SMARCD1: variants seen among roughly 807,000 people sequenced by gnomAD.
SMARCD1 encodes SWI/SNF-related matrix-associated actin-dependent regulator of chromatin subfamily D member 1.
SMARCD1 carries 16 observed loss-of-function variants against 70.8 expected under a neutral mutation model. That is an observed-to-expected ratio of 0.23 (90% CI 0.15 to 0.34). The LOEUF (loss-of-function observed/expected upper bound fraction) is 0.34, where lower values mean the gene tolerates loss of function less well. Ranked by LOEUF, SMARCD1 falls within the 10% of genes least tolerant of loss-of-function variation. The pLI is 1.00. For missense variants in SMARCD1, 409 were observed against 655.5 expected (o/e 0.62, Z 4.11); for synonymous variants, 249 against 246.0 (o/e 1.01, Z -0.11).
chr12:50,093,730 C>G (rs1403491853), intron 9 of SMARCD1, among the ~76,000 whole-genome samples: 1 of 151,682 alleles, frequency 6.6e-6, no homozygotes, highest in African/African-American at 2.4e-5. Flanking sequence ...AGTCCTCTTA[C>G]CTGAGCCTCC....
chr12:50,095,827 G>A (rs1347392380), intron 10 of SMARCD1, among the ~76,000 whole-genome samples: 1 of 152,198 alleles, frequency 6.6e-6, no homozygotes, highest in East Asian at 1.9e-4. Flanking sequence ...CCGAGGACGG[G>A]ATGTTTTGGG....
intron 6 of SMARCD1, chr12:50,089,532 T>G (rs1950822283): frequency 1.0e-5 from 2 of 195,074 alleles, no homozygotes; most frequent in South Asian, 2.4e-4. Context: ...GTATAGATGT[T>G]CGGGAAGTGA....
In SMARCD1 at chr12:50,098,775, C is replaced by T. The variant is rs1950914286; in HGVS notation, c.1454C>T (p.Pro485Leu). The change falls in exon 12 of 13, where the codon CCC (proline) becomes CTC (leucine). Residue 485 changes from proline (P) to leucine (L), a missense_variant. Coordinates refer to ENST00000394963, the MANE Select transcript of SMARCD1 (RefSeq NM_003076.5). Reference protein sequence around the residue: ...EERRAEFYFQPWAQEAVCRYF... With the variant: ...EERRAEFYFQLWAQEAVCRYF... ...CGCCGAGCTGAGTTCTACTTCCAGCCCTGGGCTCAGGAGGCTGTGTGCCGA... is the reference window on the plus strand; with the variant it reads ...CGCCGAGCTGAGTTCTACTTCCAGCTCTGGGCTCAGGAGGCTGTGTGCCGA... 1 of 1,614,090 alleles carries T rather than the reference C, an allele frequency of 6.2e-7. No homozygotes were observed.
At chr12:50,092,764 C>T (rs543496862) in intron 9 of SMARCD1, among the ~76,000 whole-genome samples, 4 of 152,156 alleles carry the variant, frequency 2.6e-5, no homozygotes, top group South Asian at 2.1e-4. Context: ...AAGCCAGGCA[C>T]GGTGGCACAT....
chr12:50,096,652 A>C (rs1322004614), intron 10 of SMARCD1, 198 bp from the exon 11 acceptor site: 3 of 549,584 alleles, frequency 5.5e-6, no homozygotes, highest in Non-Finnish European at 6.5e-6. Flanking sequence ...GGGTATACAG[A>C]GAGACAGAAA....
chr12:50,088,495 T>C (rs1192420792), intron 5 of SMARCD1, 26 bp from the exon 6 acceptor site: 2 of 1,297,830 alleles, frequency 1.5e-6, no homozygotes, highest in Non-Finnish European at 2.2e-6. Flanking sequence ...CCTTTCCTAA[T>C]GTGATTTTTA....
At chr12:50,087,224 A>G (rs1950799909) in intron 4 of SMARCD1, 139 bp from the exon 5 acceptor site, 4 of 1,019,344 alleles carry the variant, frequency 3.9e-6, no homozygotes, top group Non-Finnish European at 5.8e-6. Flanking sequence ...TTCTAAATGG[A>G]ATCTTCATCC....
At position 50,086,794 on chromosome 12, in the gene SMARCD1, T is replaced by C. The variant is rs1950795972; in HGVS notation, c.447T>C (p.Asp149=). 3.7e-6 allele frequency: 6 copies of C among 1,614,002 alleles called. No homozygotes were observed. Among genetic ancestry groups the C allele is most frequent in the Non-Finnish European group, 5.1e-6 (6 of 1,179,962 alleles). ...TACCAGAATCCCAGGCCTATATGGATCTCTTGGCTTTTGAAAGGAAACTGG... is the reference window on the plus strand; with the variant it reads ...TACCAGAATCCCAGGCCTATATGGACCTCTTGGCTTTTGAAAGGAAACTGG... ...ELVPESQAYM[D]LLAFERKLDQ... The change falls in exon 4 of 13, where the codon GAT becomes GAC. Residue 149 remains aspartate (D), a synonymous_variant. Coordinates refer to ENST00000394963, the MANE Select transcript of SMARCD1 (RefSeq NM_003076.5).
rs1950827566 is a variant in SMARCD1 at position 50,090,079 on chromosome 12, T to G, written c.873+94T>G. 5 of 1,355,094 alleles carry G rather than the reference T, an allele frequency of 3.7e-6. No homozygotes were observed. In the South Asian group the frequency reaches 6.1e-5, roughly 16 times the overall value. The allele number at this position is 1,355,094 out of a possible 1,614,324, so 83.9% of individuals were successfully genotyped here. ...AGTTTATGTCTAGTTGTGAATAATTTGCCACTTTGGCACAGAGATAGAGTC... is the reference window on the plus strand; with the variant it reads ...AGTTTATGTCTAGTTGTGAATAATTGGCCACTTTGGCACAGAGATAGAGTC... On this transcript the variant is annotated intron_variant, in intron 7 of 12. Transcript: ENST00000394963.
intron 4 of SMARCD1, 22 bp downstream of exon 4, chr12:50,086,900 C>T (rs1326189623): frequency 1.2e-6 from 2 of 1,612,910 alleles, no homozygotes; most frequent in Non-Finnish European, 1.7e-6. Context: ...AAGTACTAGG[C>T]AGAGAGCCAA....
chr12:50,090,315 C>T lies in SMARCD1; in HGVS notation c.948C>T (p.Ile316=), dbSNP rs763827585. 17 of 1,614,094 alleles carry T rather than the reference C, an allele frequency of 1.1e-5. No homozygotes were observed. Among genetic ancestry groups the T allele is most frequent in the Non-Finnish European group, 1.4e-5 (16 of 1,179,970 alleles). Residue 316 remains isoleucine, a synonymous_variant, in exon 8 of 13, where the codon ATC becomes ATT. Coordinates refer to ENST00000394963, the MANE Select transcript of SMARCD1 (RefSeq NM_003076.5). ...ATACCCAGACTCGTCCAGTGATCAT[C>T]CAAGCACTGTGGCAATATATTAAGA... ...GIHTQTRPVI[I]QALWQYIKTH...
In SMARCD1 at chr12:50,098,732, G is replaced by A; in HGVS notation, c.1411G>A (p.Gly471Ser). 6.2e-7 allele frequency: 1 copy of A among 1,613,916 alleles called. No individual in the cohort carries two copies. The highest frequency in any genetic ancestry group is 8.5e-7 in the Non-Finnish European group (1 of 1,179,818). ...RDLKTMTDVV[G>S]NPEEERRAEF... The stretch of plus-strand genomic sequence containing the variant: ...CCCTCAGACAATGACTGATGTGGTG[G>A]GTAACCCAGAGGAGGAGCGCCGAGC... The change falls in exon 12 of 13, where the codon GGT (glycine) becomes AGT (serine). Residue 471 changes from glycine (G) to serine (S), a missense_variant. By Grantham distance (56) the Gly-to-Ser change is moderately conservative. Coordinates refer to ENST00000394963, the MANE Select transcript of SMARCD1 (RefSeq NM_003076.5).
chr12:50,097,031 ATT>A, intron 11 of SMARCD1, 59 bp downstream of exon 11: 2 of 1,496,866 alleles, frequency 1.3e-6, no homozygotes, highest in Non-Finnish European at 1.8e-6. Flanking sequence ...CAGCTGCTTT[ATT>A]CATGTAGCAG....
At chr12:50,085,977 C>A (rs147472384) in intron 1 of SMARCD1, 184 bp from the exon 2 acceptor site, 47 of 428,284 alleles carry the variant, frequency 1.1e-4, no homozygotes, top group African/African-American at 7.0e-4. Flanking sequence ...CTGGCTCTCG[C>A]TTAGCTTTTG....
chr12:50,090,482 C>T lies in SMARCD1; in HGVS notation c.1036-11C>T, dbSNP rs764371412. The T allele has an allele frequency of 6.2e-7, 1 of 1,613,820 alleles. No homozygotes were observed. The highest frequency in any genetic ancestry group is 8.5e-7 in the Non-Finnish European group (1 of 1,179,684). ...AAACTGCTAACCTCGTGCTTCTCCC[C>T]TTTGCTACAGATCTTTGAGTCTCAA... is the stretch of plus-strand genomic sequence containing the variant. On this transcript the variant is annotated splice_polypyrimidine_tract_variant and intron_variant, in intron 8 of 12. Transcript: ENST00000394963.
chr12:50,100,549 T>G lies in SMARCD1; in HGVS notation c.*1549T>G, dbSNP rs974744130. ...CACAGTGTCCCTGTTGATAACTGTT[T>G]TTATTAACTGAATTGTTTTTTTCAT... On this transcript the variant is annotated 3_prime_UTR_variant, in exon 13 of 13. Transcript: ENST00000394963. 6.6e-6 allele frequency: 1 copy of G among 152,622 alleles called. No individual in the cohort carries two copies. Among genetic ancestry groups the G allele is most frequent in the African/African-American group, 2.4e-5 (1 of 41,428 alleles). The allele number at this position is 152,622 out of a possible 1,614,324, so 9.5% of individuals were successfully genotyped here. A position where few individuals can be genotyped will look rare whatever the true frequency, so the allele number is the denominator to read the frequency against.
intron 10 of SMARCD1, among the ~76,000 whole-genome samples, chr12:50,096,374 ACT>A (rs1382209796): frequency 6.6e-5 from 10 of 151,968 alleles, no homozygotes; most frequent in Non-Finnish European, 1.3e-4. Context: ...TAGAAGATAG[ACT>A]CTGGGCTGCA....
rs1281446767 is a variant in SMARCD1 at position 50,086,288 on chromosome 12, G to C, written c.305G>C (p.Arg102Thr). The change falls in exon 2 of 13, where the codon AGA becomes ACA. Residue 102 changes from arginine (R) to threonine (T), a missense_variant. By Grantham distance (71) the Arg-to-Thr change is moderately conservative. Coordinates refer to ENST00000394963, the MANE Select transcript of SMARCD1 (RefSeq NM_003076.5). The part of the protein sequence containing the change: ...AQSGMDQSRK[R>T]PAPQQIQQVQ... ...TCAGGGATGGATCAGTCCCGCAAGAGACCTGCCCCTCAGCAGATCCAGCAG... is the reference window on the plus strand; with the variant it reads ...TCAGGGATGGATCAGTCCCGCAAGACACCTGCCCCTCAGCAGATCCAGCAG... 6.2e-7 allele frequency: 1 copy of C among 1,604,468 alleles called. No individual in the cohort carries two copies. The highest frequency in any genetic ancestry group is 8.5e-7 in the Non-Finnish European group (1 of 1,174,894).
At chr12:50,089,808 G>T in intron 6 of SMARCD1, 76 bp from the exon 7 acceptor site, 1 of 1,025,466 alleles carries the variant, frequency 9.8e-7, no homozygotes, top group South Asian at 1.4e-5. Flanking sequence ...TGAATATTCA[G>T]TCATTACAGA....
Sources: gnomAD v4.1 joint callset for allele counts (sites outside exome capture counted in the v4.1 genomes callset) on GRCh38, gnomAD v4.1.1 for gene constraint, MANE v1.5 for transcripts, NCBI Gene and HGNC (gene_info 2026-07-23, HGNC 2026-07-21) for gene names.